USB1: variants seen among roughly 807,000 people sequenced by gnomAD.
The protein encoded by USB1 is U6 snRNA biogenesis phosphodiesterase 1.
A neutral mutation model predicts 29.9 loss-of-function variants in USB1; 21 were observed. The ratio of observed to expected loss-of-function variants is 0.70; its 90% CI spans 0.50 to 1.01. The LOEUF (loss-of-function observed/expected upper bound fraction) is 1.01, where lower values mean the gene tolerates loss of function less well. USB1 is among the 50% of genes least tolerant of loss of function. USB1 has a pLI of 0.00. For synonymous variants in USB1, 143 were observed against 134.9 expected (o/e 1.06, Z -0.42); for missense variants, 330 against 347.1 (o/e 0.95, Z 0.39).
At chr16:58,006,667 A>G (rs1963367899) in intron 2 of USB1, among the ~76,000 whole-genome samples, 1 of 152,214 alleles carries the variant, frequency 6.6e-6, no homozygotes, top group Admixed American at 6.5e-5. Context: ...TTGGGGAAAA[A>G]AAAAAGAAAA....
chr16:58,000,049 C>T (rs1567414434), upstream of USB1, among the ~76,000 whole-genome samples: 8 of 152,206 alleles, frequency 5.3e-5, no homozygotes. The surrounding 1 kb of genome is among the most constrained non-coding windows in gnomAD (Gnocchi z 4.5). Context: ...ACCTGCGCCC[C>T]ACCCCGTCTC....
intron 2 of USB1, among the ~76,000 whole-genome samples, chr16:58,003,566 G>A (rs1374717126): frequency 1.1e-4 from 17 of 152,298 alleles, no homozygotes; most frequent in African/African-American, 3.9e-4. Flanking sequence ...TCTAATAGGT[G>A]TGTAGCAATA....
chr16:58,009,806 T>C, intron 2 of USB1, 123 bp from the exon 3 acceptor site: 1 of 933,078 alleles, frequency 1.1e-6, no homozygotes, highest in African/African-American at 1.6e-5. Context: ...TAGGCTGCTG[T>C]CCAAGTAATT....
At chr16:58,017,492 A>C in intron 5 of USB1, 53 bp downstream of exon 5, 1 of 1,544,576 alleles carries the variant, frequency 6.5e-7, no homozygotes, top group Non-Finnish European at 8.9e-7. Context: ...TGAGAATAAA[A>C]CTGTCTTTAA....
At chr16:58,001,312 C>T (rs1963178036), upstream of USB1, 1 of 755,100 alleles carries the variant, frequency 1.3e-6, no homozygotes, top group Non-Finnish European at 2.2e-6. Context: ...AGCTTGGAGT[C>T]GGTGGGCTGA....
At chr16:58,001,958 C>T (rs1249696712) in intron 1 of USB1, among the ~76,000 whole-genome samples, 1 of 152,220 alleles carries the variant, frequency 6.6e-6, no homozygotes, top group South Asian at 2.1e-4. Flanking sequence ...AGTAAATATT[C>T]ACTGAGCACC....
chr16:58,004,927 T>G (rs1963315971), intron 2 of USB1, among the ~76,000 whole-genome samples: 1 of 152,118 alleles, frequency 6.6e-6, no homozygotes, highest in Non-Finnish European at 1.5e-5. Flanking sequence ...TGATATTTAT[T>G]GGATACAAGA....
chr16:58,001,652 G>A, intron 1 of USB1, 71 bp downstream of exon 1: 2 of 1,517,524 alleles, frequency 1.3e-6, no homozygotes, highest in Non-Finnish European at 1.8e-6. Flanking sequence ...CCGAATGTCT[G>A]GGGGTGGAGT....
At chr16:58,011,727 C>G (rs563111809) in intron 3 of USB1, 1 of 987,916 alleles carries the variant, frequency 1.0e-6, no homozygotes, top group East Asian at 1.1e-4. Flanking sequence ...TTCACTCACC[C>G]TCATATGCAG....
intron 2 of USB1, among the ~76,000 whole-genome samples, chr16:58,006,157 A>G (rs1305277639): frequency 2.0e-5 from 3 of 151,942 alleles, no homozygotes; most frequent in African/African-American, 7.3e-5. Flanking sequence ...GTTCAAGACC[A>G]GCCTGACCAA....
chr16:58,010,222 A>C (rs769875259), intron 3 of USB1, 110 bp downstream of exon 3: 33 of 1,336,860 alleles, frequency 2.5e-5, no homozygotes, highest in African/African-American at 5.8e-5. Flanking sequence ...TAAAGATAGA[A>C]CACGGCCCCT....
In USB1 at chr16:58,001,458, G is replaced by T. The variant is rs201250414; in HGVS notation, c.-26G>T. The T allele has an allele frequency of 1.3e-5, 20 of 1,581,192 alleles. No individual in the cohort carries two copies. The highest frequency in any genetic ancestry group is 1.7e-4 in the Middle Eastern group (1 of 5,918). On this transcript the variant is annotated 5_prime_UTR_variant, in exon 1 of 7. Transcript: ENST00000219281. Reference sequence around the variant, plus strand: ...GCCGGTTGAGGTTGCTGGTGGACCTGCTCTGGTGGTCTTGGATGAGGCCCC... The same window carrying T: ...GCCGGTTGAGGTTGCTGGTGGACCTTCTCTGGTGGTCTTGGATGAGGCCCC...
intron 3 of USB1, chr16:58,010,651 T>G: frequency 3.7e-6 from 1 of 269,480 alleles, no homozygotes; most frequent in East Asian, 8.8e-5. Flanking sequence ...TTTGCTAGAA[T>G]GGCTCACAGA....
At chr16:58,000,638 C>G (rs909192132), upstream of USB1, among the ~76,000 whole-genome samples, 1 of 145,586 alleles carries the variant, frequency 6.9e-6, no homozygotes, top group Non-Finnish European at 1.5e-5. The surrounding 1 kb of genome is among the most constrained non-coding windows in gnomAD (Gnocchi z 4.5). Flanking sequence ...GCCGGGAGGG[C>G]GGGCGGACGG....
chr16:58,000,375 G>A (rs1278534813), upstream of USB1: 2 of 150,398 alleles, frequency 1.3e-5, no homozygotes, highest in Non-Finnish European at 3.0e-5. The surrounding 1 kb of genome is among the most constrained non-coding windows in gnomAD (Gnocchi z 4.5). Flanking sequence ...GCCCCCAGAT[G>A]CGGCCCCGGG....
intron 5 of USB1, among the ~76,000 whole-genome samples, chr16:58,018,381 G>T (rs1448168225): frequency 6.6e-6 from 1 of 151,958 alleles, no homozygotes; most frequent in African/African-American, 2.4e-5. Context: ...ACAACACCAC[G>T]CCCAGCTAAT....
intron 3 of USB1, chr16:58,011,818 G>C (rs1435956484): frequency 2.0e-6 from 2 of 988,322 alleles, no homozygotes; most frequent in Admixed American, 6.0e-5. Flanking sequence ...TTGCCCCACA[G>C]CTTTTTTCCA....
chr16:58,005,198 T>C (rs1489785969), intron 2 of USB1, among the ~76,000 whole-genome samples: 1 of 152,154 alleles, frequency 6.6e-6, no homozygotes, highest in Admixed American at 6.5e-5. Context: ...AAGCACAGCA[T>C]CACAGGGAGA....
intron 6 of USB1, among the ~76,000 whole-genome samples, chr16:58,019,706 A>G (rs755354653): frequency 6.6e-6 from 1 of 152,174 alleles, no homozygotes; most frequent in Non-Finnish European, 1.5e-5. Flanking sequence ...AGATTTTTAC[A>G]TGTAATCTGT....
Sources: gnomAD v4.1 joint callset for allele counts (sites outside exome capture counted in the v4.1 genomes callset) on GRCh38, gnomAD v4.1.1 for gene constraint, Gnocchi (gnomAD v3.1) non-coding constraint, MANE v1.5 for transcripts, NCBI Gene and HGNC (gene_info 2026-07-23, HGNC 2026-07-21) for gene names.